INTS1: variants seen among roughly 807,000 people sequenced by gnomAD.
The protein encoded by INTS1 is integrator complex subunit 1.
A neutral mutation model predicts 241.6 loss-of-function variants in INTS1; 137 were observed. The observed-to-expected ratio is 0.57, with a 90% CI of 0.49 to 0.65. The LOEUF (loss-of-function observed/expected upper bound fraction) is 0.65, where lower values mean the gene tolerates loss of function less well. Ranked by LOEUF, INTS1 falls within the 30% of genes least tolerant of loss-of-function variation. INTS1 has a pLI of 0.00. For synonymous variants in INTS1, 1,692 were observed against 1,337.8 expected (o/e 1.26, Z -5.78); for missense variants, 3,073 against 3,032.2 (o/e 1.01, Z -0.32).
chr7:1,497,272 C>A lies in INTS1; in HGVS notation c.1468G>T (p.Asp490Tyr). ...AGGGCCCGCGAGGCCCGCAGGTAGT[C>A]GTCCTTGTTGGTCAGCAGGTCCTGG... ...VFQDLLTNKD[D>Y]YLRASRALLR... is the part of the protein sequence containing the mutation. Residue 490 changes from aspartate to tyrosine, a missense_variant, in exon 11 of 48, where the codon GAC becomes TAC. Asp to Tyr is a radical substitution (Grantham distance 160). Transcript: ENST00000404767. The surrounding 1 kb of genome is among the most constrained non-coding windows in gnomAD (Gnocchi z 5.3). 1 of 1,613,452 alleles carries A rather than the reference C, an allele frequency of 6.2e-7. No individual in the cohort carries two copies. Among genetic ancestry groups the A allele is most frequent in the South Asian group, 1.1e-5 (1 of 91,048 alleles).
chr7:1,479,315 T>C (rs1781881344), intron 31 of INTS1, 115 bp downstream of exon 31: 24 of 1,254,914 alleles, frequency 1.9e-5, no homozygotes, highest in Non-Finnish European at 2.5e-5. Flanking sequence ...CCTTTCTCAC[T>C]TGGAAACTGA....
At position 1,500,219 on chromosome 7, in the gene INTS1, T is replaced by C; in HGVS notation, c.497A>G (p.Tyr166Cys). The change falls in exon 4 of 48, where the codon TAC (tyrosine) becomes TGC (cysteine). Residue 166 changes from tyrosine to cysteine, a missense_variant. By Grantham distance (194) the Tyr-to-Cys change is radical (BLOSUM62 -2). Transcript: ENST00000404767. ...GATGTTGGGCTTGATCTTGGCCAGGTACATGAGGCTCAGGTAGAGGGTGCT... is the reference window on the plus strand; with the variant it reads ...GATGTTGGGCTTGATCTTGGCCAGGCACATGAGGCTCAGGTAGAGGGTGCT... ...PDSTLYLSLM[Y>C]LAKIKPNIFA... 1 of 1,604,618 alleles carries C rather than the reference T, an allele frequency of 6.2e-7. No individual in the cohort carries two copies. Among genetic ancestry groups the C allele is most frequent in the Non-Finnish European group, 8.5e-7 (1 of 1,174,632 alleles).
At chr7:1,483,716 C>G in intron 26 of INTS1, 26 bp downstream of exon 26, 1 of 1,587,424 alleles carries the variant, frequency 6.3e-7, no homozygotes, top group Non-Finnish European at 8.6e-7. Flanking sequence ...ACGAAGCTGC[C>G]CCTCCCGGGG....
intron 22 of INTS1, 54 bp downstream of exon 22, chr7:1,486,571 C>A: frequency 1.3e-6 from 2 of 1,566,218 alleles, no homozygotes; most frequent in Non-Finnish European, 1.7e-6. Flanking sequence ...GGTCCCCAGC[C>A]TACTCATTTT....
chr7:1,492,848 G>C (rs546311199), intron 16 of INTS1, among the ~76,000 whole-genome samples, 162 bp downstream of exon 16: 3 of 139,072 alleles, frequency 2.2e-5, no homozygotes, highest in African/African-American at 2.7e-5. Context: ...CGGGAGTGGG[G>C]AGTGGGGAGC....
In INTS1 at chr7:1,498,967, C is replaced by A; in HGVS notation, c.1137+8G>T. 6.5e-7 allele frequency: 1 copy of A among 1,529,668 alleles called. No individual in the cohort carries two copies. 94.8% of individuals were successfully genotyped at this position (1,529,668 alleles called of 1,614,324 possible). A position where few individuals can be genotyped will look rare whatever the true frequency, so the allele number is the denominator to read the frequency against. ...TGCCCCGCCCACCCCCCCGGGGCGC[C>A]CCCGCACCTTGGGGTTCTGCAGCCA... On this transcript the variant is annotated splice_region_variant and intron_variant, in intron 8 of 47. Transcript: ENST00000404767.
intron 29 of INTS1, 33 bp downstream of exon 29, chr7:1,480,802 G>T (rs1008346327): frequency 1.3e-6 from 2 of 1,506,994 alleles, no homozygotes; most frequent in Admixed American, 2.0e-5. Context: ...CCCCAGGCTG[G>T]GTCTCTGTGC....
chr7:1,487,633 C>A, intron 19 of INTS1, 127 bp downstream of exon 19: 2 of 1,325,952 alleles, frequency 1.5e-6, no homozygotes, highest in African/African-American at 2.9e-5. Flanking sequence ...GACGGGGCTC[C>A]ACAGGCCTTT....
intron 45 of INTS1, among the ~76,000 whole-genome samples, 151 bp from the exon 46 acceptor site, chr7:1,471,375 C>T (rs890662532): frequency 5.3e-5 from 8 of 152,214 alleles, no homozygotes; most frequent in Admixed American, 5.2e-4. Flanking sequence ...TGGCCGGTCC[C>T]AGCCCGGGGC....
At chr7:1,478,133 C>T (rs1781814527) in intron 33 of INTS1, among the ~76,000 whole-genome samples, 197 bp from the exon 34 acceptor site, 1 of 152,050 alleles carries the variant, frequency 6.6e-6, no homozygotes, top group Non-Finnish European at 1.5e-5. Context: ...GCGGCCGGGG[C>T]CGGGGCTCAC....
chr7:1,498,632 C>G (rs1782979541), intron 9 of INTS1, 75 bp downstream of exon 9: 1 of 1,540,956 alleles, frequency 6.5e-7, no homozygotes, highest in African/African-American at 1.4e-5. Context: ...TCCGCCCGCA[C>G]CCCCGCTCCG....
Position 1,492,226 on chromosome 7 carries a change from A to G in INTS1, c.2165+784T>C, listed in dbSNP as rs1408830302. Among the ~76,000 whole-genome samples the G allele has an allele frequency of 2.6e-5, 4 of 152,222 alleles. No homozygotes were observed. In the East Asian group the frequency reaches 7.7e-4, roughly 29 times the overall value. On this transcript the variant is annotated intron_variant, in intron 16 of 47. Coordinates refer to ENST00000404767, the MANE Select transcript of INTS1 (RefSeq NM_001080453.3). ...CAGCAGGGGAGCGGAAGCAGCAGAC[A>G]TGATCTCTGTCCACACAGTGGGGTG...
At chr7:1,494,570 A>G in intron 14 of INTS1, 1 of 572,610 alleles carries the variant, frequency 1.7e-6, no homozygotes, top group South Asian at 2.0e-5. Flanking sequence ...GGTCCGGGGG[A>G]GGCTGCGGCT....
Position 1,499,623 on chromosome 7 carries a change from C to T in INTS1, c.694G>A (p.Glu232Lys). ...CAGATCCGCTCCCCCAGGGAGTCCT[C>T]GATGTACACCTGTGTGGCAGCCACA... ...WPEIFVKVYI[E>K]DSLGERIWVD... Residue 232 changes from glutamate to lysine, a missense_variant, in exon 6 of 48, where the codon GAG becomes AAG. Coordinates refer to ENST00000404767, the MANE Select transcript of INTS1 (RefSeq NM_001080453.3). 2 of 1,604,234 alleles carry T rather than the reference C, an allele frequency of 1.2e-6. No homozygotes were observed. The highest frequency in any genetic ancestry group is 1.1e-5 in the South Asian group (1 of 90,684).
intron 3 of INTS1, 52 bp from the exon 4 acceptor site, chr7:1,500,418 A>G: frequency 6.8e-7 from 1 of 1,463,400 alleles, no homozygotes; most frequent in Non-Finnish European, 9.1e-7. Flanking sequence ...GGGTCACCCC[A>G]AAGCCTCGGG....
chr7:1,503,439 A>C (rs939340525), intron 2 of INTS1, among the ~76,000 whole-genome samples: 1 of 152,170 alleles, frequency 6.6e-6, no homozygotes, highest in Non-Finnish European at 1.5e-5. Context: ...TAGTGTGCTT[A>C]GTAACCCCCG....
Position 1,498,839 on chromosome 7 carries a change from G to A in INTS1, c.1151C>T (p.Ala384Val). The A allele has an allele frequency of 6.2e-7, 1 of 1,604,568 alleles. No individual in the cohort carries two copies. The highest frequency in any genetic ancestry group is 8.5e-7 in the Non-Finnish European group (1 of 1,176,332). ...GCAGACGGACATCAGCAGGTCCTGGGCCGGCCGGGTCAGCTGCGGGGCCGA... is the reference window on the plus strand; with the variant it reads ...GCAGACGGACATCAGCAGGTCCTGGACCGGCCGGGTCAGCTGCGGGGCCGA... ...WLQNPKLTRP[A>V]QDLLMSVCMN... Residue 384 changes from alanine (A) to valine (V), a missense_variant, in exon 9 of 48, where the codon GCC becomes GTC. Ala to Val is a moderately conservative substitution (Grantham distance 64). Transcript: ENST00000404767.
chr7:1,486,770 T>G lies in INTS1; in HGVS notation c.2831A>C (p.Gln944Pro), dbSNP rs780368175. Residue 944 changes from glutamine to proline, a missense_variant, in exon 22 of 48, where the codon CAA (glutamine) becomes CCA (proline). Coordinates refer to ENST00000404767, the MANE Select transcript of INTS1 (RefSeq NM_001080453.3). Reference sequence around the variant, plus strand: ...GCCCAGCAGCTGCCGCTGCTTCTGTTGCCTCTGCAGGGAGGAAGGGGCTCT... The same window carrying G: ...GCCCAGCAGCTGCCGCTGCTTCTGTGGCCTCTGCAGGGAGGAAGGGGCTCT... ...KEQKAKKRQR[Q>P]QKQRQLLGRL... The G allele has an allele frequency of 6.2e-7, 1 of 1,612,336 alleles. No individual in the cohort carries two copies. Among genetic ancestry groups the G allele is most frequent in the South Asian group, 1.1e-5 (1 of 91,068 alleles).
At chr7:1,471,463 G>T in intron 45 of INTS1, 108 bp downstream of exon 45, 1 of 1,259,422 alleles carries the variant, frequency 7.9e-7, no homozygotes, top group Non-Finnish European at 1.1e-6. Flanking sequence ...CAGCCTCAGA[G>T]GACTCCCTGG....
Sources: allele counts gnomAD v4.1 joint callset (sites outside exome capture counted in the v4.1 genomes callset), GRCh38; gene constraint gnomAD v4.1.1; non-coding constraint Gnocchi (gnomAD v3.1); transcripts MANE v1.5; gene names NCBI Gene and HGNC (gene_info 2026-07-23, HGNC 2026-07-21).